SFMBT1: variants seen among roughly 807,000 people sequenced by gnomAD.
SFMBT1 encodes Scm like with four mbt domains 1.
Under a neutral mutation model 108.7 loss-of-function variants are expected in SFMBT1, and 32 were observed. The ratio of observed to expected loss-of-function variants is 0.29; its 90% CI spans 0.22 to 0.40. SFMBT1 has a LOEUF of 0.40. SFMBT1 is among the 10% of genes least tolerant of loss of function. The pLI, the probability that SFMBT1 is intolerant of heterozygous loss-of-function variation, is 1.00. For missense variants in SFMBT1, 816 were observed against 1,059.6 expected (o/e 0.77, Z 3.19); for synonymous variants, 348 against 369.5 (o/e 0.94, Z 0.67).
At chr3:53,021,924 C>A (rs927624571) in intron 1 of SFMBT1, among the ~76,000 whole-genome samples, 8 of 152,192 alleles carry the variant, frequency 5.3e-5, no homozygotes, top group African/African-American at 1.9e-4. Flanking sequence ...TAAAGCAGCA[C>A]TTCAAATTCA....
chr3:53,011,203 C>T (rs1016452476), intron 1 of SFMBT1, among the ~76,000 whole-genome samples: 2 of 152,168 alleles, frequency 1.3e-5, no homozygotes, highest in East Asian at 1.9e-4. Flanking sequence ...TAAATTTCAT[C>T]TTCAAGGACA....
intron 10 of SFMBT1, 132 bp from the exon 11 acceptor site, chr3:52,921,963 CT>C: frequency 1.1e-6 from 1 of 932,016 alleles, no homozygotes; most frequent in Admixed American, 2.4e-5. Context: ...CATTGTTTTG[CT>C]TTTTAATGAA....
chr3:53,018,792 C>T (rs1008979689), intron 1 of SFMBT1, among the ~76,000 whole-genome samples: 3 of 152,186 alleles, frequency 2.0e-5, no homozygotes, highest in Non-Finnish European at 2.9e-5. Context: ...AGTAAACTGC[C>T]ACTTCTCAGA....
At chr3:52,972,684 G>A (rs1438575631) in intron 1 of SFMBT1, among the ~76,000 whole-genome samples, 1 of 151,270 alleles carries the variant, frequency 6.6e-6, no homozygotes, top group African/African-American at 2.4e-5. Context: ...GAGGCAGGTG[G>A]ATTGCTTGAG....
chr3:52,972,039 T>C (rs35671032), intron 1 of SFMBT1, among the ~76,000 whole-genome samples: 41,051 of 152,182 alleles, frequency 0.27, 6,095 homozygotes, highest in Middle Eastern at 0.41. Flanking sequence ...GGCTCTAATT[T>C]AGTGGATAAT....
chr3:52,935,296 T>C (rs1193219627), intron 4 of SFMBT1, among the ~76,000 whole-genome samples: 1 of 152,218 alleles, frequency 6.6e-6, no homozygotes, highest in Non-Finnish European at 1.5e-5. Flanking sequence ...AACCAGGATT[T>C]ACAAGCTACA....
intron 3 of SFMBT1, among the ~76,000 whole-genome samples, chr3:52,951,705 T>A (rs2106829795): frequency 6.6e-6 from 1 of 152,336 alleles, no homozygotes; most frequent in East Asian, 1.9e-4. Flanking sequence ...AGCAGGAACA[T>A]GCCCTTAAAG....
At chr3:52,982,856 AAAG>A (rs150737323) in intron 1 of SFMBT1, among the ~76,000 whole-genome samples, 2 of 25,488 alleles carry the variant, frequency 7.8e-5, no homozygotes, top group Non-Finnish European at 1.3e-4. Context: ...CAGTGCCAAT[AAAG>A]AAGAAGATGT....
intron 3 of SFMBT1, among the ~76,000 whole-genome samples, chr3:52,946,918 C>T (rs1703386679): frequency 6.6e-6 from 1 of 151,648 alleles, no homozygotes; most frequent in Non-Finnish European, 1.5e-5. Context: ...ACCACAGGCA[C>T]GTGCCACCAC....
chr3:52,908,384 T>G (rs1442856166), intron 17 of SFMBT1, among the ~76,000 whole-genome samples: 1 of 152,156 alleles, frequency 6.6e-6, no homozygotes, highest in Non-Finnish European at 1.5e-5. Context: ...CATGTGTGAC[T>G]TCTTCTACTA....
chr3:53,011,275 G>A (rs986521253), intron 1 of SFMBT1, among the ~76,000 whole-genome samples: 6 of 152,130 alleles, frequency 3.9e-5, no homozygotes, highest in Admixed American at 2.0e-4. Context: ...CAAGCAGCAT[G>A]CAAAGGGTAC....
At chr3:52,948,498 A>G (rs777850347) in intron 3 of SFMBT1, among the ~76,000 whole-genome samples, 1 of 152,058 alleles carries the variant, frequency 6.6e-6, no homozygotes, top group African/African-American at 2.4e-5. Context: ...GTTTGCAGTA[A>G]ATCTACAGAC....
intron 4 of SFMBT1, among the ~76,000 whole-genome samples, chr3:52,940,122 C>G (rs373964673): frequency 1.3e-5 from 2 of 152,282 alleles, no homozygotes; most frequent in South Asian, 2.1e-4. Context: ...AAACGAGATG[C>G]ATTTTCCTAC....
At chr3:52,959,600 A>G (rs990429882) in intron 2 of SFMBT1, among the ~76,000 whole-genome samples, 8 of 152,092 alleles carry the variant, frequency 5.3e-5, no homozygotes, top group Non-Finnish European at 8.8e-5. Flanking sequence ...TTCATGCTCC[A>G]TTTCATTCAA....
At chr3:52,913,350 G>A (rs972969226) in intron 15 of SFMBT1, 128 bp downstream of exon 15, 1 of 1,197,470 alleles carries the variant, frequency 8.4e-7, no homozygotes, top group East Asian at 2.5e-5. Flanking sequence ...TCCAAAACAT[G>A]AGAAAAGTTA....
chr3:52,978,625 A>T (rs553374097), intron 1 of SFMBT1, among the ~76,000 whole-genome samples: 7 of 152,318 alleles, frequency 4.6e-5, no homozygotes, highest in Non-Finnish European at 1.0e-4. Flanking sequence ...TATACCCAAG[A>T]CATTTGAAAA....
At chr3:52,962,320 G>C (rs1703985947) in intron 2 of SFMBT1, among the ~76,000 whole-genome samples, 1 of 152,182 alleles carries the variant, frequency 6.6e-6, no homozygotes, top group Non-Finnish European at 1.5e-5. Flanking sequence ...GTAATACCAA[G>C]ACTGGAAATA....
rs1367108277 is a variant in SFMBT1, at chr3:53,045,370, C to CGGGGCGCGCGCGGGGA, written c.-131+430_-131+445dup. The CGGGGCGCGCGCGGGGA allele has an allele frequency of 8.0e-4, 112 of 139,248 alleles. 1 individual carries two copies. The East Asian group carries it at 0.017, about 22-fold the overall frequency. 8.6% of individuals were successfully genotyped at this position (139,248 alleles called of 1,614,324 possible). ...CCGCGGGGGCTCGGCGGGCGGAGCG[C>CGGGGCGCGCGCGGGGA]GGGGCGCGCGCGGGGAGGGGCGCGC... On this transcript the variant is annotated intron_variant, in intron 1 of 20. Coordinates refer to ENST00000394752, the MANE Select transcript of SFMBT1 (RefSeq NM_016329.4).
chr3:53,008,151 G>T (rs1054939283), intron 1 of SFMBT1, among the ~76,000 whole-genome samples: 2 of 152,076 alleles, frequency 1.3e-5, no homozygotes, highest in African/African-American at 2.4e-5. Context: ...GGAATGGGGG[G>T]GTGTGAGGAG....
Sources: gnomAD v4.1 joint callset for allele counts (sites outside exome capture counted in the v4.1 genomes callset) on GRCh38, gnomAD v4.1.1 for gene constraint, MANE v1.5 for transcripts, NCBI Gene and HGNC (gene_info 2026-07-23, HGNC 2026-07-21) for gene names.